DNAH12: variants seen among roughly 807,000 people sequenced by gnomAD.
DNAH12 encodes dynein axonemal heavy chain 12, also known as axonemal beta dynein heavy chain 12.
Under a neutral mutation model 371.5 loss-of-function variants are expected in DNAH12, and 285 were observed. The ratio of observed to expected loss-of-function variants is 0.77; its 90% confidence interval spans 0.70 to 0.85. The LOEUF is 0.85. DNAH12 is among the 40% of genes least tolerant of loss of function. The pLI is 0.00. For missense variants in DNAH12, 3,611 were observed against 3,689.4 expected (o/e 0.98, Z 0.55); for synonymous variants, 1,200 against 1,213.0 (o/e 0.99, Z 0.22).
intron 29 of DNAH12, among the ~76,000 whole-genome samples, chr3:57,440,953 G>C (rs4681984): frequency 0.62 from 94,372 of 152,054 alleles, 29,454 homozygotes; most frequent in South Asian, 0.72. Context: ...TTGCACTGCT[G>C]TACTCCAGCC....
At chr3:57,439,983 T>C (rs1559660860) in intron 29 of DNAH12, among the ~76,000 whole-genome samples, 1 of 151,940 alleles carries the variant, frequency 6.6e-6, no homozygotes, top group African/African-American at 2.4e-5. Context: ...TGAGATACCA[T>C]CTCATACAAG....
chr3:57,346,213 G>A (rs1291316019), intron 60 of DNAH12, among the ~76,000 whole-genome samples: 1 of 151,962 alleles, frequency 6.6e-6, no homozygotes, highest in Non-Finnish European at 1.5e-5. Flanking sequence ...GAAAATAATG[G>A]CTTGTTCAAA....
chr3:57,444,902 C>A, intron 28 of DNAH12, 86 bp from the exon 29 acceptor site: 1 of 1,431,062 alleles, frequency 7.0e-7, no homozygotes, highest in Non-Finnish European at 9.2e-7. Context: ...CCCGGCCTGC[C>A]CCACCCCACC....
intron 4 of DNAH12, among the ~76,000 whole-genome samples, chr3:57,515,476 G>A (rs2068158851): frequency 6.6e-6 from 1 of 152,136 alleles, no homozygotes; most frequent in Non-Finnish European, 1.5e-5. Context: ...CAGGCCTTGT[G>A]GCGCATGCCT....
intron 20 of DNAH12, 86 bp from the exon 21 acceptor site, chr3:57,458,306 T>G (rs966339579): frequency 4.8e-5 from 64 of 1,341,818 alleles, no homozygotes; most frequent in Non-Finnish European, 6.0e-5. Context: ...TATGTTAAAA[T>G]CTTTTAATGT....
intron 50 of DNAH12, among the ~76,000 whole-genome samples, chr3:57,381,140 AC>A: frequency 6.6e-6 from 1 of 152,298 alleles, no homozygotes; most frequent in South Asian, 2.1e-4. Flanking sequence ...TGCTCTGCCA[AC>A]CATAGGGTAA....
At position 57,293,759 on chromosome 3, in the gene DNAH12, AT is replaced by A. The variant is rs1298046008; in HGVS notation, c.*21del. ...GGTTTTTTTTTTTTTAAACTTTTGG[AT>A]GTTTTATAAATTTGTCCAATTTAGT... On this transcript the variant is annotated 3_prime_UTR_variant, in exon 74 of 74. Coordinates refer to ENST00000495027, the MANE Select transcript of DNAH12 (RefSeq NM_001366028.2). The A allele has an allele frequency of 1.6e-5, 25 of 1,529,908 alleles. No homozygotes were observed. The highest frequency in any genetic ancestry group is 2.1e-5 in the Non-Finnish European group (24 of 1,139,508). 94.8% of individuals were successfully genotyped at this position (1,529,908 alleles called of 1,614,324 possible).
intron 36 of DNAH12, among the ~76,000 whole-genome samples, chr3:57,420,614 A>G (rs9838772): frequency 1.3e-5 from 2 of 151,874 alleles, no homozygotes; most frequent in African/African-American, 4.8e-5. Context: ...CGATTCTTAA[A>G]GAATATGCTT....
intron 23 of DNAH12, among the ~76,000 whole-genome samples, chr3:57,454,482 A>AAG (rs1174532304): frequency 8.1e-6 from 1 of 123,518 alleles, no homozygotes; most frequent in African/African-American, 5.7e-5. Context: ...CTACATCTCA[A>AAG]AAAAAAAAAA....
At chr3:57,399,364 A>G (rs973562129) in intron 43 of DNAH12, among the ~76,000 whole-genome samples, 10 of 152,102 alleles carry the variant, frequency 6.6e-5, no homozygotes, top group South Asian at 2.1e-4. Context: ...TAAATTCCTC[A>G]ATCAAAAGAC....
chr3:57,530,560 T>A, intron 2 of DNAH12: 1 of 682,552 alleles, frequency 1.5e-6, no homozygotes, highest in Non-Finnish European at 2.7e-6. Context: ...TGTTTTTTGT[T>A]TAAAATCTCT....
At chr3:57,369,278 T>G (rs1483837504) in intron 55 of DNAH12, among the ~76,000 whole-genome samples, 2 of 131,702 alleles carry the variant, frequency 1.5e-5, no homozygotes, top group Admixed American at 7.5e-5. Flanking sequence ...TATATAATTT[T>G]TACATATAAT....
chr3:57,393,682 T>C (rs1429387472), intron 44 of DNAH12, among the ~76,000 whole-genome samples: 1 of 108,148 alleles, frequency 9.2e-6, no homozygotes, highest in African/African-American at 4.1e-5. Context: ...GAAAAAGAAA[T>C]GAGGGTTAAA....
intron 66 of DNAH12, among the ~76,000 whole-genome samples, chr3:57,312,427 AC>A (rs1383446212): frequency 6.6e-6 from 1 of 152,196 alleles, no homozygotes; most frequent in East Asian, 1.9e-4. Context: ...AGAAGTGGAG[AC>A]CAACAGCTCA....
At chr3:57,527,415 C>T (rs1392489675) in intron 2 of DNAH12, among the ~76,000 whole-genome samples, 2 of 152,174 alleles carry the variant, frequency 1.3e-5, no homozygotes, top group African/African-American at 4.8e-5. Flanking sequence ...GTTTAATTGG[C>T]TCCTGGTTCT....
At chr3:57,380,498 G>C (rs1358064761) in intron 50 of DNAH12, 131 bp from the exon 51 acceptor site, 1 of 152,210 alleles carries the variant, frequency 6.6e-6, no homozygotes, top group East Asian at 1.9e-4. Context: ...TTTTGAGATG[G>C]AGTCTCGCTC....
At chr3:57,324,782 G>A (rs1171918798) in intron 62 of DNAH12, among the ~76,000 whole-genome samples, 2 of 152,230 alleles carry the variant, frequency 1.3e-5, no homozygotes, top group African/African-American at 4.8e-5. Context: ...GCCTCACTCG[G>A]GAAGCGCAAG....
chr3:57,439,860 A>T (rs56119391), intron 29 of DNAH12, among the ~76,000 whole-genome samples: 21,284 of 152,202 alleles, frequency 0.14, 1,535 homozygotes, highest in South Asian at 0.19. Flanking sequence ...ACATTTAAAA[A>T]TGGGCAAAGG....
Position 57,483,371 on chromosome 3 carries a change from C to T in DNAH12, c.1650+5G>A, listed in dbSNP as rs1026831035. On this transcript the variant is annotated splice_donor_5th_base_variant and intron_variant, in intron 13 of 73. Transcript: ENST00000495027. ...AACCAAAATATGCAAATTAAAATTC[C>T]TTACCTGGATCCTTAAAATCAACTC... The T allele has an allele frequency of 6.5e-7, 1 of 1,540,250 alleles. No individual in the cohort carries two copies. Among genetic ancestry groups the T allele is most frequent in the Admixed American group, 2.1e-5 (1 of 47,096 alleles).
Sources: gnomAD v4.1 joint callset for allele counts (sites outside exome capture counted in the v4.1 genomes callset) on GRCh38, gnomAD v4.1.1 for gene constraint, MANE v1.5 for transcripts, NCBI Gene and HGNC (gene_info 2026-07-23, HGNC 2026-07-21) for gene names.